Variants in HVCN1 observed in about 807,000 individuals in gnomAD.
HVCN1 encodes the protein hydrogen voltage gated channel 1, also known as voltage-gated hydrogen channel 1.
A neutral mutation model predicts 29.2 loss-of-function variants in HVCN1; 14 were observed. The observed-to-expected ratio is 0.48, with a 90% CI of 0.32 to 0.75. The LOEUF is 0.75. Among genes scored for constraint, HVCN1 ranks in the 30% least tolerant of loss-of-function variants. The pLI, the probability that HVCN1 is intolerant of heterozygous loss-of-function variation, is 0.04. For synonymous variants in HVCN1, 131 were observed against 133.2 expected (o/e 0.98, Z 0.11); for missense variants, 263 against 341.8 (o/e 0.77, Z 1.82).
intron 5 of HVCN1, 85 bp downstream of exon 5, chr12:110,655,149 C>T (rs1405123419): frequency 3.1e-6 from 3 of 964,172 alleles, no homozygotes; most frequent in Non-Finnish European, 5.0e-6. Context: ...AGTGGGGTGT[C>T]AGCTGCTCCA....
At chr12:110,666,905 T>G (rs553959174) in intron 3 of HVCN1, among the ~76,000 whole-genome samples, 1 of 152,314 alleles carries the variant, frequency 6.6e-6, no homozygotes, top group East Asian at 1.9e-4. Flanking sequence ...CAGCCACATA[T>G]TTTTATCCCT....
Position 110,651,238 on chromosome 12 carries a change from G to A in HVCN1, c.622C>T (p.Arg208Trp), listed in dbSNP as rs748997855. Reference sequence around the variant, plus strand: ...GTACCATTGATGATCCGGGCCACCCGCCACAGCCGGAGCAGAATCAGCAGG... The same window carrying A: ...GTACCATTGATGATCCGGGCCACCCACCACAGCCGGAGCAGAATCAGCAGG... ...LGLLILLRLWRVARIINGIII... is the reference protein window; with the variant it reads ...LGLLILLRLWWVARIINGIII... The change falls in exon 6 of 8, where the codon CGG (arginine) becomes TGG (tryptophan). Residue 208 changes from arginine (R) to tryptophan (W), a missense_variant. Arg to Trp is a moderately radical substitution (Grantham distance 101). Coordinates refer to ENST00000242607, the MANE Select transcript of HVCN1 (RefSeq NM_032369.4). The A allele has an allele frequency of 1.9e-6, 3 of 1,613,478 alleles. No individual in the cohort carries two copies. The highest frequency in any genetic ancestry group is 2.7e-5 in the African/African-American group (2 of 74,862).
intron 2 of HVCN1, among the ~76,000 whole-genome samples, chr12:110,700,430 G>A (rs565094312): frequency 1.3e-5 from 2 of 152,230 alleles, no homozygotes; most frequent in South Asian, 4.2e-4. Flanking sequence ...TAGGAAAAGG[G>A]GAGAAAGGAC....
chr12:110,659,357 T>TAA (rs2068090094), intron 4 of HVCN1, among the ~76,000 whole-genome samples: 1 of 152,162 alleles, frequency 6.6e-6, no homozygotes, highest in African/African-American at 2.4e-5. Context: ...TACCCTGGAA[T>TAA]AAAGTCAGCG....
intron 2 of HVCN1, among the ~76,000 whole-genome samples, chr12:110,686,194 G>A (rs1341297840): frequency 6.6e-6 from 1 of 151,818 alleles, no homozygotes; most frequent in Non-Finnish European, 1.5e-5. Flanking sequence ...TAGTAGAGAC[G>A]GGGTTTTGCC....
rs143552741 is a variant in HVCN1 at position 110,686,160 on chromosome 12, A to G, written c.-20+2465T>C. Among the ~76,000 whole-genome samples the G allele has an allele frequency of 2.6e-3, 389 of 151,890 alleles. 4 individuals carry two copies. Among genetic ancestry groups the G allele is most frequent in the African/African-American group, 8.9e-3 (369 of 41,436 alleles). Reference sequence around the variant, plus strand: ...ATTATAAGTGCCCACCACCACGCCCAGCTAAAATTTTTTTTTGTATTTTTA... The same window carrying G: ...ATTATAAGTGCCCACCACCACGCCCGGCTAAAATTTTTTTTTGTATTTTTA... On this transcript the variant is annotated intron_variant, in intron 2 of 7. Transcript: ENST00000242607.
intron 3 of HVCN1, among the ~76,000 whole-genome samples, chr12:110,681,484 G>A (rs555640785): frequency 6.6e-5 from 10 of 152,256 alleles, no homozygotes; most frequent in East Asian, 1.9e-4. Flanking sequence ...AAGCATTTCC[G>A]AATGTTCTTT....
At chr12:110,663,241 G>A (rs1266199887) in intron 3 of HVCN1, among the ~76,000 whole-genome samples, 2 of 152,100 alleles carry the variant, frequency 1.3e-5, no homozygotes, top group Non-Finnish European at 2.9e-5. Context: ...TCCCTACATA[G>A]GGTCCAAAGA....
chr12:110,676,576 C>T lies in HVCN1; in HGVS notation c.21+6649G>A, dbSNP rs1219835220. 2.0e-5 allele frequency among the ~76,000 whole-genome samples: 3 copies of T among 152,166 alleles called. No homozygotes were observed. Among genetic ancestry groups the T allele is most frequent in the Non-Finnish European group, 2.9e-5 (2 of 68,026 alleles). ...TTTTCTAAGTGCCAGGCAGAGGGTA[C>T]CTCTGTGCCCAGCTCCAATGAAAAC... On this transcript the variant is annotated intron_variant, in intron 3 of 7. Coordinates refer to ENST00000242607, the MANE Select transcript of HVCN1 (RefSeq NM_032369.4). The surrounding 1 kb of genome is among the most constrained non-coding windows in gnomAD (Gnocchi z 4.1).
intron 3 of HVCN1, among the ~76,000 whole-genome samples, chr12:110,669,981 G>A (rs558095988): frequency 6.6e-6 from 1 of 152,146 alleles, no homozygotes; most frequent in Admixed American, 6.5e-5. Context: ...CCAAGATTGC[G>A]CCCCTGCACT....
intron 3 of HVCN1, among the ~76,000 whole-genome samples, chr12:110,670,762 A>C (rs1246566887): frequency 6.6e-6 from 1 of 152,014 alleles, no homozygotes; most frequent in African/African-American, 2.4e-5. Context: ...CCCCCCTAAC[A>C]ATTCCTGTCC....
chr12:110,704,579 G>A (rs1044269837), intron 1 of HVCN1, among the ~76,000 whole-genome samples: 6 of 152,144 alleles, frequency 3.9e-5, no homozygotes, highest in Non-Finnish European at 8.8e-5. Flanking sequence ...GATCACTTGA[G>A]GCCAGGAGTT....
At chr12:110,685,574 C>T (rs2069146734) in intron 2 of HVCN1, among the ~76,000 whole-genome samples, 1 of 152,156 alleles carries the variant, frequency 6.6e-6, no homozygotes, top group African/African-American at 2.4e-5. Context: ...GCACATGAGT[C>T]CCCTGTAGGA....
chr12:110,649,532 C>T (rs1330015642), intron 7 of HVCN1, 57 bp from the exon 8 acceptor site: 2 of 1,302,724 alleles, frequency 1.5e-6, no homozygotes, highest in East Asian at 2.4e-5. Context: ...AGGGATGTGA[C>T]AATCAATCAT....
At chr12:110,687,262 C>CG (rs1414229098) in intron 2 of HVCN1, among the ~76,000 whole-genome samples, 2 of 149,854 alleles carry the variant, frequency 1.3e-5, no homozygotes, top group African/African-American at 2.4e-5. Context: ...ACCACACCCC[C>CG]CCCCCCCAGC....
chr12:110,669,930 C>A (rs2068515623), intron 3 of HVCN1, among the ~76,000 whole-genome samples: 1 of 152,126 alleles, frequency 6.6e-6, no homozygotes, highest in Non-Finnish European at 1.5e-5. Flanking sequence ...GTGGCACATG[C>A]CTGTAATCCC....
chr12:110,653,460 A>G (rs914555504), intron 5 of HVCN1, among the ~76,000 whole-genome samples: 1 of 150,544 alleles, frequency 6.6e-6, no homozygotes, highest in Non-Finnish European at 1.5e-5. Context: ...CTCTGTCTCA[A>G]GTAAAAAAAA....
intron 3 of HVCN1, among the ~76,000 whole-genome samples, chr12:110,673,378 G>A (rs1308810845): frequency 1.3e-5 from 2 of 152,212 alleles, no homozygotes; most frequent in Non-Finnish European, 2.9e-5. Flanking sequence ...AAGGCATTCA[G>A]TTGTATAAGG....
chr12:110,699,281 TCATCCAGG>T lies in HVCN1; in HGVS notation c.-104+3020_-104+3027del, dbSNP rs1391375580. Among the ~76,000 whole-genome samples, 3 of 152,330 alleles carry T rather than the reference TCATCCAGG, an allele frequency of 2.0e-5. No homozygotes were observed. The East Asian group carries it at 5.8e-4, about 29-fold the overall frequency. On this transcript the variant is annotated intron_variant, in intron 2 of 4. Transcript: ENST00000546713. Reference sequence around the variant, plus strand: ...CTCGCTGGGTCCCTGGTGGAACTGCTCATCCAGGCATCCCCCTCTTCCTGCCAAGGGGT... The same window carrying T: ...CTCGCTGGGTCCCTGGTGGAACTGCTCATCCCCCTCTTCCTGCCAAGGGGT...
Sources: gnomAD v4.1 joint callset for allele counts (sites outside exome capture counted in the v4.1 genomes callset) on GRCh38, gnomAD v4.1.1 for gene constraint, Gnocchi (gnomAD v3.1) non-coding constraint, MANE v1.5 for transcripts, NCBI Gene and HGNC (gene_info 2026-07-23, HGNC 2026-07-21) for gene names.